The following FN1 variants were observed in gnomAD, a reference collection of about 807,000 sequenced individuals.
FN1 encodes the protein fibronectin 1.
A neutral mutation model predicts 297.3 loss-of-function variants in FN1; 106 were observed. The ratio of observed to expected loss-of-function variants is 0.36; its 90% confidence interval spans 0.30 to 0.42. The LOEUF (loss-of-function observed/expected upper bound fraction) is 0.42, where lower values mean the gene tolerates loss of function less well. FN1 is among the 10% of genes least tolerant of loss of function. The pLI is 1.00. For synonymous variants in FN1, 1,149 were observed against 1,152.6 expected (o/e 1.00, Z 0.06); for missense variants, 2,690 against 3,124.9 (o/e 0.86, Z 3.32).
At chr2:215,389,077 T>C (rs1349950113) in intron 26 of FN1, among the ~76,000 whole-genome samples, 1 of 152,116 alleles carries the variant, frequency 6.6e-6, no homozygotes, top group African/African-American at 2.4e-5. Flanking sequence ...TATACATCCC[T>C]GAGTATCTTG....
intron 43 of FN1, 58 bp downstream of exon 43, chr2:215,365,447 C>T: frequency 6.4e-7 from 1 of 1,563,188 alleles, no homozygotes; most frequent in East Asian, 2.2e-5. Flanking sequence ...GAGTTACAGC[C>T]TGATAATGAA....
At chr2:215,377,067 T>TGA (rs201766014) in intron 35 of FN1, among the ~76,000 whole-genome samples, 5,694 of 139,140 alleles carry the variant, frequency 0.041, 352 homozygotes, top group African/African-American at 0.14. Context: ...TATGTGTGTG[T>TGA]GAGAGAGAGA....
intron 38 of FN1, among the ~76,000 whole-genome samples, chr2:215,374,381 A>G (rs1383309434): frequency 1.3e-5 from 2 of 152,156 alleles, no homozygotes; most frequent in Admixed American, 6.5e-5. Flanking sequence ...CTGCATCCAA[A>G]TCTCATCTGG....
At chr2:215,365,099 A>T in intron 43 of FN1, 114 bp from the exon 44 acceptor site, 1 of 744,354 alleles carries the variant, frequency 1.3e-6, no homozygotes, top group Non-Finnish European at 2.4e-6. Context: ...CGCAAACACC[A>T]CATATTTATG....
chr2:215,415,537 A>G (rs2063317102), intron 12 of FN1, among the ~76,000 whole-genome samples: 1 of 152,210 alleles, frequency 6.6e-6, no homozygotes, highest in Non-Finnish European at 1.5e-5. Context: ...TAAGCAGTCT[A>G]TCAGTTTGGA....
rs2106091490 is a variant in FN1 at position 215,393,033 on chromosome 2, A to G, written c.3967T>C (p.Tyr1323His). ...CCCGGCTCCAGCCCTGTGACTGTGT[A>G]GTATCCTACTGAGGAGTCCACAAAA... ...EDFVDSSVGY[Y>H]TVTGLEPGID... The change falls in exon 25 of 46, where the codon TAC becomes CAC. Residue 1323 changes from tyrosine to histidine, a missense_variant. By Grantham distance (83) the Tyr-to-His change is moderately conservative. This residue lies in a region of FN1 where 1,743 missense variants were observed against 1,945.2 expected (regional missense o/e 0.90). Coordinates refer to ENST00000354785, the MANE Select transcript of FN1 (RefSeq NM_212482.4). 6.2e-7 allele frequency: 1 copy of G among 1,614,082 alleles called. No homozygotes were observed. The highest frequency in any genetic ancestry group is 8.5e-7 in the Non-Finnish European group (1 of 1,180,018).
At chr2:215,374,363 C>T (rs1575293001) in intron 38 of FN1, among the ~76,000 whole-genome samples, 1 of 152,202 alleles carries the variant, frequency 6.6e-6, no homozygotes, top group Non-Finnish European at 1.5e-5. Flanking sequence ...TATGGTTTGG[C>T]TCTGTGTCTG....
At chr2:215,419,117 A>G in intron 12 of FN1, 125 bp downstream of exon 12, 1 of 749,694 alleles carries the variant, frequency 1.3e-6, no homozygotes, top group Non-Finnish European at 2.3e-6. Flanking sequence ...TTATTAGATA[A>G]TAACAAGAGA....
chr2:215,383,253 C>T, intron 31 of FN1, 75 bp downstream of exon 31: 2 of 1,436,054 alleles, frequency 1.4e-6, no homozygotes, highest in Non-Finnish European at 2.0e-6. Context: ...AGTGATCTGC[C>T]CGCATCAGCC....
rs765215278 is a variant in FN1, at chr2:215,422,136, T to A, written c.1501A>T (p.Asn501Tyr). 8 of 1,614,230 alleles carry A rather than the reference T, an allele frequency of 5.0e-6. No individual in the cohort carries two copies. In the South Asian group the frequency reaches 6.6e-5, roughly 13 times the overall value. The change falls in exon 10 of 46, where the codon AAT becomes TAT. Residue 501 changes from asparagine to tyrosine, a missense_variant. Physicochemically the swap from Asn to Tyr is moderately radical, Grantham distance 143. Coordinates refer to ENST00000354785, the MANE Select transcript of FN1 (RefSeq NM_212482.4). ...GHMMRCTCVG[N>Y]GRGEWTCIAY... ...ATGCATGTCCATTCCCCACGACCAT[T>A]CCCAACACACGTGCACCTCATCATG...
intron 20 of FN1, among the ~76,000 whole-genome samples, chr2:215,401,543 T>C (rs1168055924): frequency 6.6e-6 from 1 of 152,154 alleles, no homozygotes; most frequent in African/African-American, 2.4e-5. Flanking sequence ...CAATTCTTCC[T>C]CTCTTTACAT....
rs1479475660 is a variant in FN1, at chr2:215,436,028, G to A, written c.-226C>T. 23 of 962,064 alleles carry A rather than the reference G, an allele frequency of 2.4e-5. No homozygotes were observed. The highest frequency in any genetic ancestry group is 3.3e-4 in the Middle Eastern group (1 of 2,994). The allele number at this position is 962,064 out of a possible 1,614,324, so 59.6% of individuals were successfully genotyped here. A position where few individuals can be genotyped will look rare whatever the true frequency, so the allele number is the denominator to read the frequency against. ...GTCCCCTCTTCCCGCTCGCGCCTGG[G>A]GTTCCCTCTCCTCCCCCTGTGCAGC... On this transcript the variant is annotated 5_prime_UTR_variant, in exon 1 of 46. Coordinates refer to ENST00000354785, the MANE Select transcript of FN1 (RefSeq NM_212482.4).
chr2:215,406,117 G>T, intron 19 of FN1, 121 bp downstream of exon 19: 4 of 1,013,124 alleles, frequency 3.9e-6, no homozygotes, highest in Non-Finnish European at 4.7e-6. Context: ...TCCCTTGCCG[G>T]CTGGGTATTT....
rs2053387131 is a variant in FN1, at chr2:215,361,210, T to C, written c.*345A>G. ...GTTTGGGTGACTTTCCTACTTAAAA[T>C]TTTGGTCATATCATTTCAAAACATT... On this transcript the variant is annotated 3_prime_UTR_variant, in exon 46 of 46. Transcript: ENST00000354785. The C allele has an allele frequency of 7.2e-6, 2 of 277,762 alleles. No homozygotes were observed. The highest frequency in any genetic ancestry group is 9.0e-5 in the South Asian group (2 of 22,342). 17.2% of individuals were successfully genotyped at this position (277,762 alleles called of 1,614,324 possible). A position where few individuals can be genotyped will look rare whatever the true frequency, so the allele number is the denominator to read the frequency against.
At chr2:215,407,090 T>C (rs374336531) in intron 18 of FN1, 37 bp downstream of exon 18, 136 of 1,506,052 alleles carry the variant, frequency 9.0e-5, no homozygotes, top group Admixed American at 2.3e-4. Context: ...ACAATCCTGA[T>C]AAGATAACAT....
At chr2:215,431,682 A>G in intron 4 of FN1, 151 bp downstream of exon 4, 1 of 823,306 alleles carries the variant, frequency 1.2e-6, no homozygotes. Flanking sequence ...ACTATGGATT[A>G]TATAATAATT....
At position 215,391,502 on chromosome 2, in the gene FN1, T is replaced by C. The variant is rs974001273; in HGVS notation, c.4252+130A>G. 9.2e-6 allele frequency: 7 copies of C among 761,186 alleles called. No homozygotes were observed. The Admixed American group carries it at 1.1e-4, about 12-fold the overall frequency. 47.2% of individuals were successfully genotyped at this position (761,186 alleles called of 1,614,324 possible). On this transcript the variant is annotated intron_variant, in intron 26 of 45. Coordinates refer to ENST00000354785, the MANE Select transcript of FN1 (RefSeq NM_212482.4). The stretch of plus-strand genomic sequence containing the variant: ...CTTTCAAAATTAATGGAGCTGTGCA[T>C]TGAATTCAGAGTTTAGTTTGTAGCT...
At chr2:215,379,545 A>G in intron 33 of FN1, 1 of 487,798 alleles carries the variant, frequency 2.1e-6, no homozygotes, top group Non-Finnish European at 3.7e-6. Context: ...CACTGAAAAC[A>G]TTTGGGTAAA....
At chr2:215,418,026 T>C (rs938501374) in intron 12 of FN1, among the ~76,000 whole-genome samples, 1 of 152,136 alleles carries the variant, frequency 6.6e-6, no homozygotes, top group Non-Finnish European at 1.5e-5. Flanking sequence ...AAACAAACCA[T>C]TCATATACTT....
Sources: allele counts gnomAD v4.1 joint callset (sites outside exome capture counted in the v4.1 genomes callset), GRCh38; gene constraint gnomAD v4.1.1; regional missense constraint gnomAD v4.1.1; transcripts MANE v1.5; gene names NCBI Gene and HGNC (gene_info 2026-07-23, HGNC 2026-07-21).